The following TRUB1 variants were observed in gnomAD, a reference collection of about 807,000 sequenced individuals.
TRUB1 encodes the protein pseudouridylate synthase TRUB1.
TRUB1 carries 23 observed loss-of-function variants against 33.9 expected under a neutral mutation model. The observed-to-expected ratio is 0.68, with a 90% CI of 0.49 to 0.96. The LOEUF (loss-of-function observed/expected upper bound fraction) is 0.96, where lower values mean the gene tolerates loss of function less well. TRUB1 is among the 40% of genes least tolerant of loss of function. The pLI, the probability that TRUB1 is intolerant of heterozygous loss-of-function variation, is 0.00. For missense variants in TRUB1, 378 were observed against 422.2 expected (o/e 0.90, Z 0.92); for synonymous variants, 163 against 165.4 (o/e 0.99, Z 0.11).
chr10:114,974,148 G>T (rs1395140401), intron 6 of TRUB1, among the ~76,000 whole-genome samples, 181 bp from the exon 7 acceptor site: 2 of 152,120 alleles, frequency 1.3e-5, no homozygotes, highest in Non-Finnish European at 2.9e-5. Context: ...TCCACACTCT[G>T]ACTTTTCAGT....
At chr10:114,966,886 T>A (rs2084310925) in intron 4 of TRUB1, among the ~76,000 whole-genome samples, 1 of 152,216 alleles carries the variant, frequency 6.6e-6, no homozygotes, top group South Asian at 2.1e-4. Flanking sequence ...TAGACTTTTT[T>A]TCCAGGTCTA....
At chr10:114,974,971 T>G in intron 7 of TRUB1, 152 bp from the exon 8 acceptor site, 1 of 794,222 alleles carries the variant, frequency 1.3e-6, no homozygotes, top group Non-Finnish European at 1.9e-6. Flanking sequence ...ATCATTTCTT[T>G]ATCTGAGGCC....
chr10:114,959,239 G>A (rs1418045281), intron 3 of TRUB1, among the ~76,000 whole-genome samples: 1 of 152,144 alleles, frequency 6.6e-6, no homozygotes, highest in Non-Finnish European at 1.5e-5. Context: ...TTTAATACAT[G>A]ACCTAGTTAC....
At chr10:114,949,258 T>A (rs1254322961) in intron 2 of TRUB1, among the ~76,000 whole-genome samples, 1 of 152,232 alleles carries the variant, frequency 6.6e-6, no homozygotes, top group Non-Finnish European at 1.5e-5. Flanking sequence ...GCATAGTAGT[T>A]GTTCAAGAAA....
intron 2 of TRUB1, among the ~76,000 whole-genome samples, chr10:114,943,812 G>A (rs1368820415): frequency 2.0e-5 from 3 of 152,102 alleles, no homozygotes; most frequent in South Asian, 4.2e-4. Context: ...TTCCTGACAA[G>A]GTAGAAGGCT....
intron 3 of TRUB1, among the ~76,000 whole-genome samples, chr10:114,952,945 A>G (rs927795626): frequency 3.9e-5 from 6 of 152,160 alleles, no homozygotes; most frequent in Admixed American, 6.5e-5. Context: ...TCTAAAATCT[A>G]TACAATAAAC....
chr10:114,963,790 A>G (rs2084294530), intron 4 of TRUB1, among the ~76,000 whole-genome samples: 1 of 152,116 alleles, frequency 6.6e-6, no homozygotes, highest in Non-Finnish European at 1.5e-5. Context: ...TACATGTATG[A>G]GTATTTTGGA....
intron 4 of TRUB1, among the ~76,000 whole-genome samples, chr10:114,967,149 GC>G (rs1023058025): frequency 2.0e-5 from 3 of 152,160 alleles, no homozygotes; most frequent in Non-Finnish European, 4.4e-5. Flanking sequence ...AATTCCAGCT[GC>G]CACTACTTCC....
chr10:114,969,372 G>T (rs2084324807), intron 4 of TRUB1: 1 of 150,382 alleles, frequency 6.6e-6, no homozygotes. Flanking sequence ...GGCAGAGGTT[G>T]CAGTGAGCCA....
At chr10:114,954,337 CT>C (rs2084251935) in intron 3 of TRUB1, among the ~76,000 whole-genome samples, 1 of 152,190 alleles carries the variant, frequency 6.6e-6, no homozygotes, top group Admixed American at 6.5e-5. Flanking sequence ...TGAACATGGC[CT>C]AACATTTCTT....
chr10:114,952,531 A>AGATT (rs552416160), intron 3 of TRUB1, among the ~76,000 whole-genome samples: 5 of 152,202 alleles, frequency 3.3e-5, no homozygotes, highest in African/African-American at 9.7e-5. Flanking sequence ...ATAGATACAT[A>AGATT]GATTGATTGA....
chr10:114,963,442 T>A (rs971219670), intron 4 of TRUB1, among the ~76,000 whole-genome samples: 1 of 152,226 alleles, frequency 6.6e-6, no homozygotes, highest in African/African-American at 2.4e-5. Context: ...GCTGTTTGCA[T>A]TTAAACTTTT....
chr10:114,938,380 G>C lies in TRUB1; in HGVS notation c.127G>C (p.Val43Leu), dbSNP rs2084169362. 1.2e-6 allele frequency: 2 copies of C among 1,609,550 alleles called. No individual in the cohort carries two copies. Among genetic ancestry groups the C allele is most frequent in the East Asian group, 4.5e-5 (2 of 44,758 alleles). ...ATPSARAAAA[V>L]VAAAARTGSE... ...CCCGTCAGCAAGGGCTGCAGCCGCGGTGGTTGCGGCCGCGGCCAGGACCGG... is the reference window on the plus strand; with the variant it reads ...CCCGTCAGCAAGGGCTGCAGCCGCGCTGGTTGCGGCCGCGGCCAGGACCGG... The change falls in exon 1 of 8, where the codon GTG (valine) becomes CTG (leucine). Residue 43 changes from valine (V) to leucine (L), a missense_variant. By Grantham distance (32) the Val-to-Leu change is conservative. Transcript: ENST00000298746.
chr10:114,946,058 G>T lies in TRUB1; in HGVS notation c.385+3315G>T, dbSNP rs1425393242. Among the ~76,000 whole-genome samples, 7 of 152,176 alleles carry T rather than the reference G, an allele frequency of 4.6e-5. No homozygotes were observed. In the East Asian group the frequency reaches 1.3e-3, roughly 29 times the overall value. ...GGGATGTTTGTTGTCCAAGTTAGCAGTTCTGGAAACTTATGAGAAGTCGAT... is the reference window on the plus strand; with the variant it reads ...GGGATGTTTGTTGTCCAAGTTAGCATTTCTGGAAACTTATGAGAAGTCGAT... On this transcript the variant is annotated intron_variant, in intron 2 of 7. Transcript: ENST00000298746.
intron 4 of TRUB1, chr10:114,960,050 T>G: frequency 4.8e-6 from 2 of 415,198 alleles, no homozygotes; most frequent in Non-Finnish European, 8.5e-6. Flanking sequence ...GAATTATTCT[T>G]CCAAATAACC....
intron 4 of TRUB1, among the ~76,000 whole-genome samples, chr10:114,965,780 A>G (rs887353044): frequency 1.3e-5 from 2 of 152,148 alleles, no homozygotes; most frequent in African/African-American, 2.4e-5. Context: ...ATCAATGTAG[A>G]TAATTTTTTC....
intron 1 of TRUB1, among the ~76,000 whole-genome samples, chr10:114,942,279 T>C (rs988217424): frequency 3.3e-5 from 5 of 152,164 alleles, no homozygotes; most frequent in Non-Finnish European, 7.3e-5. Flanking sequence ...AGTATCTTTC[T>C]ATATAAAAAT....
In TRUB1 at chr10:114,975,275, G is replaced by T. The variant is rs2084355277; in HGVS notation, c.946G>T (p.Ala316Ser). ...CTCATCTCTTTTCCCAGCAGAGTTGGCACTTAAAAAATCAAAACCTGAGTC... is the reference window on the plus strand; with the variant it reads ...CTCATCTCTTTTCCCAGCAGAGTTGTCACTTAAAAAATCAAAACCTGAGTC... The part of the protein sequence containing the change: ...HCSSLFPAEL[A>S]LKKSKPESNE... Residue 316 changes from alanine to serine, a missense_variant, in exon 8 of 8, where the codon GCA becomes TCA. Coordinates refer to ENST00000298746, the MANE Select transcript of TRUB1 (RefSeq NM_139169.5). 25 of 1,613,334 alleles carry T rather than the reference G, an allele frequency of 1.5e-5. No homozygotes were observed. The highest frequency in any genetic ancestry group is 2.0e-5 in the Non-Finnish European group (24 of 1,179,674).
intron 3 of TRUB1, among the ~76,000 whole-genome samples, chr10:114,957,103 C>T (rs183754769): frequency 5.9e-5 from 9 of 152,278 alleles, no homozygotes; most frequent in Admixed American, 6.5e-5. Flanking sequence ...GTGTATCATT[C>T]TGTCAGCAAC....
Sources: allele counts gnomAD v4.1 joint callset (sites outside exome capture counted in the v4.1 genomes callset), GRCh38; gene constraint gnomAD v4.1.1; transcripts MANE v1.5; gene names NCBI Gene and HGNC (gene_info 2026-07-23, HGNC 2026-07-21).